CAMTA1: variants seen among roughly 807,000 people sequenced by gnomAD.
CAMTA1 encodes calmodulin-binding transcription activator 1.
A neutral mutation model predicts 170.9 loss-of-function variants in CAMTA1; 27 were observed. That is an observed-to-expected ratio of 0.16 (90% confidence interval 0.12 to 0.22). CAMTA1 has a LOEUF of 0.22. Ranked by LOEUF, CAMTA1 falls within the 10% of genes least tolerant of loss-of-function variation. The pLI is 1.00. For synonymous variants in CAMTA1, 833 were observed against 891.5 expected (o/e 0.93, Z 1.17); for missense variants, 1,619 against 2,217.2 (o/e 0.73, Z 5.42).
intron 5 of CAMTA1, among the ~76,000 whole-genome samples, chr1:7,276,278 C>CATATATATATATATAT (rs1210333666): frequency 3.2e-4 from 19 of 58,536 alleles, no homozygotes; most frequent in East Asian, 1.0e-3. Flanking sequence ...TACACCTGAT[C>CATATATATATATATAT]ATATATATAT....
chr1:7,750,364 G>A (rs1329769701), intron 19 of CAMTA1, among the ~76,000 whole-genome samples: 1 of 152,202 alleles, frequency 6.6e-6, no homozygotes, highest in East Asian at 1.9e-4. Flanking sequence ...CCTTGCGACG[G>A]TAAGTTGCCG....
chr1:7,759,251 C>T (rs1242820332), intron 22 of CAMTA1, among the ~76,000 whole-genome samples: 1 of 152,090 alleles, frequency 6.6e-6, no homozygotes, highest in Admixed American at 6.5e-5. Flanking sequence ...CAAACTCCTA[C>T]GTCAGTGGAG....
At chr1:6,871,686 T>A in intron 3 of CAMTA1, 1 of 1,346,144 alleles carries the variant, frequency 7.4e-7, no homozygotes, top group Non-Finnish European at 1.0e-6. Flanking sequence ...TACAGTGGAA[T>A]CTTTTCAAGA....
At chr1:7,602,228 T>C (rs2095453047) in intron 6 of CAMTA1, among the ~76,000 whole-genome samples, 1 of 145,614 alleles carries the variant, frequency 6.9e-6, no homozygotes, top group African/African-American at 2.5e-5. Flanking sequence ...TCAGAAGGAA[T>C]GGTACCAGCT....
chr1:6,824,540 G>A lies in CAMTA1; in HGVS notation c.116-552G>A, dbSNP rs1451948596. On this transcript the variant is annotated intron_variant, in intron 2 of 22. Transcript: ENST00000303635. ...TGATTTTATGTTCAGACCTAGAAAG[G>A]CCAGCTTCTGTATTACCTGAGTAGC... is the stretch of plus-strand genomic sequence containing the variant. 3.9e-5 allele frequency among the ~76,000 whole-genome samples: 6 copies of A among 152,036 alleles called. No homozygotes were observed. In the East Asian group the frequency reaches 1.2e-3, roughly 29 times the overall value.
chr1:7,645,863 C>A (rs2095799719), intron 7 of CAMTA1, among the ~76,000 whole-genome samples: 1 of 152,274 alleles, frequency 6.6e-6, no homozygotes, highest in Non-Finnish European at 1.5e-5. Flanking sequence ...CACGACGTAT[C>A]CACAGGCACG....
At chr1:7,553,278 A>C (rs901503966) in intron 6 of CAMTA1, among the ~76,000 whole-genome samples, 1 of 151,674 alleles carries the variant, frequency 6.6e-6, no homozygotes, top group Non-Finnish European at 1.5e-5. Context: ...TAATTGAGTG[A>C]GTGAATGAAT....
At chr1:7,754,721 C>G (rs2096919781) in intron 21 of CAMTA1, among the ~76,000 whole-genome samples, 1 of 152,116 alleles carries the variant, frequency 6.6e-6, no homozygotes, top group Non-Finnish European at 1.5e-5. Flanking sequence ...GATTCCTGTG[C>G]ATTAATTGGA....
At chr1:7,254,869 A>C (rs1004273690) in intron 5 of CAMTA1, among the ~76,000 whole-genome samples, 58 of 152,228 alleles carry the variant, frequency 3.8e-4, no homozygotes, top group Admixed American at 3.8e-3. Context: ...ATGGTGCCCA[A>C]ATCAAGTTTG....
chr1:7,580,609 G>T lies in CAMTA1; in HGVS notation c.511-59791G>T, dbSNP rs1253451989. On this transcript the variant is annotated intron_variant, in intron 6 of 22. Coordinates refer to ENST00000303635, the MANE Select transcript of CAMTA1 (RefSeq NM_015215.4). The surrounding 1 kb of genome is among the most constrained non-coding windows in gnomAD (Gnocchi z 4.3). ...CCCTCCCACGTTTGGGGACAGCCGT[G>T]TCAGAGACTGATAATACTGCTCATT... Among the ~76,000 whole-genome samples the T allele has an allele frequency of 2.6e-5, 4 of 152,080 alleles. No individual in the cohort carries two copies. The highest frequency in any genetic ancestry group is 9.7e-5 in the African/African-American group (4 of 41,396).
chr1:7,576,135 A>G (rs1169479079), intron 6 of CAMTA1, among the ~76,000 whole-genome samples: 1 of 152,048 alleles, frequency 6.6e-6, no homozygotes, highest in Non-Finnish European at 1.5e-5. Flanking sequence ...CAGCCTCCCA[A>G]GTAGCTGGGA....
At position 7,435,622 on chromosome 1, in the gene CAMTA1, G is replaced by A. The variant is rs990235921; in HGVS notation, c.439-32208G>A. On this transcript the variant is annotated intron_variant, in intron 5 of 22. Coordinates refer to ENST00000303635, the MANE Select transcript of CAMTA1 (RefSeq NM_015215.4). The surrounding 1 kb of genome is among the most constrained non-coding windows in gnomAD (Gnocchi z 4.4). ...TTGGGGAAAGTCCCCCAGCTTTGGC[G>A]GAATCAGCGCCTCAGAAAGAACCAG... Among the ~76,000 whole-genome samples, 1 of 152,188 alleles carries A rather than the reference G, an allele frequency of 6.6e-6. No homozygotes were observed. Among genetic ancestry groups the A allele is most frequent in the Non-Finnish European group, 1.5e-5 (1 of 68,028 alleles).
At chr1:7,593,352 G>A (rs145136145) in intron 6 of CAMTA1, among the ~76,000 whole-genome samples, 5 of 152,148 alleles carry the variant, frequency 3.3e-5, no homozygotes, top group African/African-American at 9.7e-5. Flanking sequence ...GTGGGAAGAA[G>A]TAGATGATAA....
rs1392733279 is a variant in CAMTA1, at chr1:7,537,220, A to G, written c.510+69319A>G. Among the ~76,000 whole-genome samples, 3 of 152,304 alleles carry G rather than the reference A, an allele frequency of 2.0e-5. No individual in the cohort carries two copies. In the East Asian group the frequency reaches 5.8e-4, roughly 29 times the overall value. ...TATGGGGCGAAGCATGATTGAGTGG[A>G]TGGGGCATCAGGGCTGTCTTTGGAA... On this transcript the variant is annotated intron_variant, in intron 6 of 22. Coordinates refer to ENST00000303635, the MANE Select transcript of CAMTA1 (RefSeq NM_015215.4).
chr1:7,267,993 C>T (rs1032732702), intron 5 of CAMTA1, among the ~76,000 whole-genome samples: 1 of 152,176 alleles, frequency 6.6e-6, no homozygotes, highest in African/African-American at 2.4e-5. Flanking sequence ...AACTTATCAT[C>T]CCACCCAAAC....
At chr1:7,000,432 A>G (rs1009570694) in intron 3 of CAMTA1, among the ~76,000 whole-genome samples, 15 of 152,318 alleles carry the variant, frequency 9.8e-5, no homozygotes, top group Non-Finnish European at 1.9e-4. Flanking sequence ...TAGGTTTAAA[A>G]TGGCTCTGCT....
chr1:7,666,455 C>G (rs566833310), intron 9 of CAMTA1, among the ~76,000 whole-genome samples: 2 of 152,264 alleles, frequency 1.3e-5, no homozygotes, highest in African/African-American at 4.8e-5. Flanking sequence ...CTCCAAAGAC[C>G]AAAGCATCTT....
chr1:7,100,738 G>A (rs900067948), intron 4 of CAMTA1, among the ~76,000 whole-genome samples: 1 of 152,198 alleles, frequency 6.6e-6, no homozygotes, highest in Non-Finnish European at 1.5e-5. Flanking sequence ...GCCTTTCCTG[G>A]CATTGGCACA....
intron 6 of CAMTA1, among the ~76,000 whole-genome samples, chr1:7,545,378 T>C (rs2094677757): frequency 6.6e-6 from 1 of 152,220 alleles, no homozygotes; most frequent in Non-Finnish European, 1.5e-5. Flanking sequence ...TTGATACATG[T>C]CTATCAACTA....
Sources: allele counts gnomAD v4.1 joint callset (sites outside exome capture counted in the v4.1 genomes callset), GRCh38; gene constraint gnomAD v4.1.1; non-coding constraint Gnocchi (gnomAD v3.1); transcripts MANE v1.5; gene names NCBI Gene and HGNC (gene_info 2026-07-23, HGNC 2026-07-21).